The following ARL15 variants were observed in gnomAD, a reference collection of about 807,000 sequenced individuals.
ARL15 encodes ARF like GTPase 15, also known as ADP-ribosylation factor-like protein 15.
Under a neutral mutation model 25.2 loss-of-function variants are expected in ARL15, and 19 were observed. The ratio of observed to expected loss-of-function variants is 0.75; its 90% CI spans 0.53 to 1.10. ARL15 has a LOEUF of 1.10. Among genes scored for constraint, ARL15 ranks in the 50% least tolerant of loss-of-function variants. ARL15 has a pLI of 0.00. For synonymous variants in ARL15, 94 were observed against 86.8 expected, an observed-to-expected ratio of 1.08 and a Z score of -0.46; for missense variants, 220 against 246.0, an observed-to-expected ratio of 0.89 and a Z score of 0.71.
intron 4 of ARL15, among the ~76,000 whole-genome samples, chr5:53,991,826 C>G (rs1238208563): frequency 6.6e-6 from 1 of 152,056 alleles, no homozygotes; most frequent in East Asian, 1.9e-4. Flanking sequence ...AAATACCTAA[C>G]AGTTAACTTA....
chr5:53,990,896 A>T (rs1335437476), intron 4 of ARL15, among the ~76,000 whole-genome samples: 6 of 152,140 alleles, frequency 3.9e-5, no homozygotes, highest in Admixed American at 2.6e-4. Flanking sequence ...TTTTGAAATT[A>T]TGTGCTAATT....
intron 4 of ARL15, among the ~76,000 whole-genome samples, chr5:53,956,290 G>A (rs1176719341): frequency 2.0e-5 from 3 of 151,670 alleles, no homozygotes; most frequent in African/African-American, 7.3e-5. Flanking sequence ...ACTAACAGCT[G>A]CAGCTTACAG....
chr5:53,888,432 C>T (rs1227478902), intron 4 of ARL15, among the ~76,000 whole-genome samples: 3 of 151,994 alleles, frequency 2.0e-5, no homozygotes, highest in African/African-American at 7.2e-5. Flanking sequence ...AGGTGCACGC[C>T]ACAACAACTG....
Position 54,229,827 on chromosome 5 carries a change from G to A in ARL15, c.49-57899C>T, listed in dbSNP as rs117435021. Among the ~76,000 whole-genome samples the A allele has an allele frequency of 2.6e-3, 390 of 152,286 alleles. 2 individuals carry two copies. Among genetic ancestry groups the A allele is most frequent in the East Asian group, 0.018 (95 of 5,178 alleles). ...GACATGGTCTCAACTGGCTCTGGCC[G>A]ATTCTGATCCCCACCGGCAATCTCA... On this transcript the variant is annotated intron_variant, in intron 1 of 4. Coordinates refer to ENST00000504924, the MANE Select transcript of ARL15 (RefSeq NM_019087.3).
At chr5:54,077,916 C>T (rs156439) in intron 4 of ARL15, among the ~76,000 whole-genome samples, 74,244 of 151,946 alleles carry the variant, frequency 0.49, 20,111 homozygotes, top group Non-Finnish European at 0.61. Context: ...AGACGCCATT[C>T]CTTTGGAAAT....
In ARL15 at chr5:54,166,577, AT is replaced by A. The variant is rs1365234715; in HGVS notation, c.193+5206del. On this transcript the variant is annotated intron_variant, in intron 2 of 4. Transcript: ENST00000504924. The stretch of plus-strand genomic sequence containing the variant: ...TGTAGAGTTTTCTTCATGTTCAACA[AT>A]GTTTCAGCCATTATTTCTTCAAATA... 8.5e-5 allele frequency among the ~76,000 whole-genome samples: 13 copies of A among 152,122 alleles called. No homozygotes were observed. In the South Asian group the frequency reaches 2.1e-3, roughly 24 times the overall value.
rs528966444 is a variant in ARL15, at chr5:53,964,564, G to C, written c.463-77851C>G. Among the ~76,000 whole-genome samples, 138 of 152,210 alleles carry C rather than the reference G, an allele frequency of 9.1e-4. 2 individuals carry two copies. The South Asian group carries it at 0.012, about 13-fold the overall frequency. ...TTTAGTAGAGACGGGGCTTCACCGT[G>C]TTAGCCAGGATGGTCTTGATCTCCT... On this transcript the variant is annotated intron_variant, in intron 4 of 4. Transcript: ENST00000504924.
intron 3 of ARL15, among the ~76,000 whole-genome samples, chr5:54,135,951 T>C (rs976007236): frequency 1.1e-4 from 17 of 152,122 alleles, no homozygotes; most frequent in African/African-American, 3.9e-4. Context: ...AATGCACCCA[T>C]AGCCCACTCT....
intron 4 of ARL15, among the ~76,000 whole-genome samples, chr5:54,066,597 A>C (rs1355174446): frequency 6.6e-6 from 1 of 152,172 alleles, no homozygotes; most frequent in African/African-American, 2.4e-5. Flanking sequence ...TTTGATCCTC[A>C]GGGGACATTT....
chr5:53,933,151 C>G (rs1254639430), intron 4 of ARL15, among the ~76,000 whole-genome samples: 1 of 152,160 alleles, frequency 6.6e-6, no homozygotes, highest in African/African-American at 2.4e-5. Context: ...CACAAAACAA[C>G]AACCCTACCC....
At chr5:53,887,399 CA>C in intron 4 of ARL15, 1 of 700,170 alleles carries the variant, frequency 1.4e-6, no homozygotes, top group Non-Finnish European at 2.6e-6. Flanking sequence ...ATGGAAAAAG[CA>C]AGAACTTATA....
intron 1 of ARL15, among the ~76,000 whole-genome samples, chr5:54,250,447 G>T (rs1223295476): frequency 6.6e-6 from 1 of 152,180 alleles, no homozygotes; most frequent in Admixed American, 6.5e-5. Context: ...AAAGAGATCA[G>T]ATTTTCAAAA....
rs971294381 is a variant in ARL15 at position 54,310,146 on chromosome 5, G to A, written c.48+286C>T. On this transcript the variant is annotated intron_variant, in intron 1 of 4. Transcript: ENST00000504924. Reference sequence around the variant, plus strand: ...GCCAGGAAGCCGATCGCGGGCAGGGGACGCGCCGCCGCGGCCGCCCCATCT... The same window carrying A: ...GCCAGGAAGCCGATCGCGGGCAGGGAACGCGCCGCCGCGGCCGCCCCATCT... The A allele has an allele frequency of 8.2e-5, 34 of 416,870 alleles. No individual in the cohort carries two copies. The East Asian group carries it at 9.6e-4, about 12-fold the overall frequency. The allele number at this position is 416,870 out of a possible 1,614,324, so 25.8% of individuals were successfully genotyped here. A position where few individuals can be genotyped will look rare whatever the true frequency, so the allele number is the denominator to read the frequency against.
intron 4 of ARL15, among the ~76,000 whole-genome samples, chr5:54,103,675 C>T (rs922562507): frequency 2.6e-5 from 4 of 152,062 alleles, no homozygotes; most frequent in African/African-American, 9.7e-5. Context: ...TTGTACATGT[C>T]CAGTTCATTG....
At chr5:54,182,467 G>A (rs1210094736) in intron 1 of ARL15, among the ~76,000 whole-genome samples, 2 of 151,190 alleles carry the variant, frequency 1.3e-5, no homozygotes, top group African/African-American at 2.4e-5. Flanking sequence ...GTAGGTATGC[G>A]GCGTTATTTC....
At chr5:54,203,717 T>A (rs979221464) in intron 1 of ARL15, among the ~76,000 whole-genome samples, 3 of 152,168 alleles carry the variant, frequency 2.0e-5, no homozygotes, top group South Asian at 4.2e-4. Context: ...TGTAGAACCA[T>A]CAGCTAGTAC....
intron 2 of ARL15, among the ~76,000 whole-genome samples, chr5:54,161,973 GTTC>G (rs1034303209): frequency 7.7e-5 from 11 of 142,260 alleles, no homozygotes; most frequent in Non-Finnish European, 3.0e-5. Flanking sequence ...CACCCCCTTT[GTTC>G]TTCTTTACTT....
At chr5:53,958,108 G>T (rs1747226810) in intron 4 of ARL15, among the ~76,000 whole-genome samples, 1 of 151,860 alleles carries the variant, frequency 6.6e-6, no homozygotes, top group African/African-American at 2.4e-5. Flanking sequence ...TACTAAGGAG[G>T]CTGAGACAGG....
At chr5:54,036,036 G>A (rs1434945551) in intron 4 of ARL15, among the ~76,000 whole-genome samples, 2 of 151,956 alleles carry the variant, frequency 1.3e-5, no homozygotes, top group East Asian at 3.9e-4. Context: ...CAGAGTCCCA[G>A]CTACTCAGGA....
Sources: allele counts gnomAD v4.1 joint callset (sites outside exome capture counted in the v4.1 genomes callset), GRCh38; gene constraint gnomAD v4.1.1; transcripts MANE v1.5; gene names NCBI Gene and HGNC (gene_info 2026-07-23, HGNC 2026-07-21).